TSPAN9: variants seen among roughly 807,000 people sequenced by gnomAD.
TSPAN9 encodes tetraspanin-9.
Under a neutral mutation model 31.0 loss-of-function variants are expected in TSPAN9, and 16 were observed. The ratio of observed to expected loss-of-function variants is 0.52; its 90% CI spans 0.35 to 0.78. The LOEUF is 0.78. TSPAN9 is among the 30% of genes least tolerant of loss of function. The pLI, the probability that TSPAN9 is intolerant of heterozygous loss-of-function variation, is 0.01. For missense variants in TSPAN9, 272 were observed against 312.5 expected (o/e 0.87, Z 0.98); for synonymous variants, 145 against 121.6 (o/e 1.19, Z -1.27).
chr12:3,240,863 AT>A (rs1485586438), intron 3 of TSPAN9, among the ~76,000 whole-genome samples: 1 of 152,252 alleles, frequency 6.6e-6, no homozygotes. Flanking sequence ...TATAAAAAAA[AT>A]AGTAGCGATC....
At chr12:3,124,056 G>C (rs1330061384) in intron 2 of TSPAN9, among the ~76,000 whole-genome samples, 2 of 152,126 alleles carry the variant, frequency 1.3e-5, no homozygotes, top group African/African-American at 2.4e-5. Context: ...GAGCTGCCAG[G>C]GTAGTTTGGA....
chr12:3,209,550 T>C (rs740770), intron 3 of TSPAN9, among the ~76,000 whole-genome samples: 82,825 of 152,000 alleles, frequency 0.54, 23,189 homozygotes, highest in Middle Eastern at 0.68. Context: ...TCCTGCTGCA[T>C]GTGACTAGTA....
At chr12:3,226,181 G>A (rs764146366) in intron 3 of TSPAN9, among the ~76,000 whole-genome samples, 11 of 152,088 alleles carry the variant, frequency 7.2e-5, no homozygotes, top group African/African-American at 1.2e-4. Flanking sequence ...AGGGGAGGAC[G>A]GTCGTGAGGG....
At chr12:3,079,079 A>G (rs1198471871) in intron 1 of TSPAN9, among the ~76,000 whole-genome samples, 3 of 151,682 alleles carry the variant, frequency 2.0e-5, no homozygotes, top group Non-Finnish European at 2.9e-5. Flanking sequence ...TCCCAGGTTC[A>G]AGCCATTCTC....
rs148285106 is a variant in TSPAN9 at position 3,124,499 on chromosome 12, G to A, written c.-18+40780G>A. 8.9e-3 allele frequency among the ~76,000 whole-genome samples: 1,355 copies of A among 151,398 alleles called. 21 individuals are homozygous for A. The highest frequency in any genetic ancestry group is 0.029 in the African/African-American group (1,209 of 41,184). On this transcript the variant is annotated intron_variant, in intron 2 of 8. Coordinates refer to ENST00000011898, the MANE Select transcript of TSPAN9 (RefSeq NM_006675.5). ...GGCTGGAGTGCAATGGCTTGATCTC[G>A]TGGGTTCAAGCAATTCTCCTGCCTC...
intron 3 of TSPAN9, among the ~76,000 whole-genome samples, chr12:3,204,991 A>C (rs2098374172): frequency 6.6e-6 from 1 of 152,064 alleles, no homozygotes; most frequent in East Asian, 1.9e-4. Flanking sequence ...AGTAGAGAAG[A>C]GCGTATAGGG....
At chr12:3,174,605 C>T (rs1021199236) in intron 2 of TSPAN9, among the ~76,000 whole-genome samples, 9 of 152,034 alleles carry the variant, frequency 5.9e-5, no homozygotes, top group South Asian at 2.1e-4. Flanking sequence ...TTTTTTGAGA[C>T]GGAGTCTCAC....
At chr12:3,145,675 C>T (rs1249471274) in intron 2 of TSPAN9, among the ~76,000 whole-genome samples, 3 of 152,226 alleles carry the variant, frequency 2.0e-5, no homozygotes, top group African/African-American at 7.2e-5. Context: ...CCAGGATCAT[C>T]CTGTCCTGCT....
At chr12:3,132,476 G>A (rs912846692) in intron 2 of TSPAN9, among the ~76,000 whole-genome samples, 1 of 151,934 alleles carries the variant, frequency 6.6e-6, no homozygotes, top group Non-Finnish European at 1.5e-5. Flanking sequence ...TAGATGTGAA[G>A]TGGTATCTTA....
In TSPAN9 at chr12:3,279,156, G is replaced by T. The variant is rs1591722769; in HGVS notation, c.330+90G>T. 3 of 1,182,942 alleles carry T rather than the reference G, an allele frequency of 2.5e-6. No individual in the cohort carries two copies. In the East Asian group the frequency reaches 7.0e-5, roughly 28 times the overall value. 73.3% of individuals were successfully genotyped at this position (1,182,942 alleles called of 1,614,324 possible). A position where few individuals can be genotyped will look rare whatever the true frequency, so the allele number is the denominator to read the frequency against. On this transcript the variant is annotated intron_variant, in intron 5 of 8. Coordinates refer to ENST00000011898, the MANE Select transcript of TSPAN9 (RefSeq NM_006675.5). The stretch of plus-strand genomic sequence containing the variant: ...GCCAGGGTCCCTTCCCTGGCCAGAG[G>T]AAGAGTGCTGGCAAGCAGCACCTGT...
At chr12:3,205,358 G>A (rs2098374460) in intron 3 of TSPAN9, among the ~76,000 whole-genome samples, 1 of 152,230 alleles carries the variant, frequency 6.6e-6, no homozygotes. Context: ...GTGGCCCCGG[G>A]CAGAGTGCTG....
intron 3 of TSPAN9, among the ~76,000 whole-genome samples, chr12:3,269,909 C>T (rs1003728885): frequency 3.3e-5 from 5 of 152,254 alleles, no homozygotes; most frequent in African/African-American, 9.6e-5. Context: ...TTTTGCCCCG[C>T]GTGCACAGCC....
chr12:3,232,893 C>G (rs1191957449), intron 3 of TSPAN9, among the ~76,000 whole-genome samples: 1 of 152,214 alleles, frequency 6.6e-6, no homozygotes, highest in Non-Finnish European at 1.5e-5. Context: ...CTTGCTGGGC[C>G]TGGATCTGTT....
intron 2 of TSPAN9, among the ~76,000 whole-genome samples, chr12:3,135,410 G>T (rs750075848): frequency 3.3e-5 from 5 of 152,034 alleles, no homozygotes; most frequent in Non-Finnish European, 7.4e-5. Context: ...TGTTACAGGG[G>T]TGTATGAGGC....
intron 2 of TSPAN9, among the ~76,000 whole-genome samples, chr12:3,109,301 A>T (rs200167831): frequency 0.3 from 12,175 of 41,100 alleles, 618 homozygotes; most frequent in East Asian, 0.37. Context: ...TGTGTGTGTG[A>T]GAGAGAGTGT....
intron 2 of TSPAN9, among the ~76,000 whole-genome samples, chr12:3,116,971 C>T (rs1359326929): frequency 6.6e-6 from 1 of 152,180 alleles, no homozygotes; most frequent in Non-Finnish European, 1.5e-5. Context: ...AGGGACATCC[C>T]CATAGGGGAC....
At chr12:3,151,760 C>G (rs2098339846) in intron 2 of TSPAN9, among the ~76,000 whole-genome samples, 1 of 152,016 alleles carries the variant, frequency 6.6e-6, no homozygotes, top group African/African-American at 2.4e-5. Context: ...GCCTTTTTTC[C>G]TTTCTTAAAA....
rs2098372054 is a variant in TSPAN9 at position 3,201,871 on chromosome 12, G to A, written c.63+615G>A. On this transcript the variant is annotated intron_variant, in intron 3 of 8. Coordinates refer to ENST00000011898, the MANE Select transcript of TSPAN9 (RefSeq NM_006675.5). ...GAGTTGGGGCCTGGGTGGGAAAGGA[G>A]GGGTGTGGGGGCATGCTGCCATCGG... Among the ~76,000 whole-genome samples the A allele has an allele frequency of 3.9e-5, 6 of 152,210 alleles. No homozygotes were observed. In the South Asian group the frequency reaches 1.2e-3, roughly 32 times the overall value.
At chr12:3,232,764 G>A (rs1219620544) in intron 3 of TSPAN9, among the ~76,000 whole-genome samples, 2 of 152,206 alleles carry the variant, frequency 1.3e-5, no homozygotes, top group African/African-American at 2.4e-5. Flanking sequence ...TGGCTCTCCC[G>A]TTCCTCAGAC....
Sources: gnomAD v4.1 joint callset for allele counts (sites outside exome capture counted in the v4.1 genomes callset) on GRCh38, gnomAD v4.1.1 for gene constraint, MANE v1.5 for transcripts, NCBI Gene and HGNC (gene_info 2026-07-23, HGNC 2026-07-21) for gene names.